The following DRAM2 variants were observed in gnomAD, a reference collection of about 807,000 sequenced individuals.
DRAM2 encodes DNA damage regulated autophagy modulator 2, also known as DNA damage-regulated autophagy modulator protein 2.
In DRAM2, 26 loss-of-function variants were observed where a neutral mutation model predicts 33.5. The observed-to-expected ratio is 0.78, with a 90% CI of 0.57 to 1.08. DRAM2 has a LOEUF of 1.08. Among genes scored for constraint, DRAM2 ranks in the 50% least tolerant of loss-of-function variants. DRAM2 has a pLI of 0.00. For missense variants in DRAM2, 311 were observed against 318.1 expected, an observed-to-expected ratio of 0.98 and a Z score of 0.17; for synonymous variants, 98 against 109.5, an observed-to-expected ratio of 0.89 and a Z score of 0.66.
Position 111,138,340 on chromosome 1 carries a change from ATG to A in DRAM2, c.-78-756_-78-755del, listed in dbSNP as rs561672363. Among the ~76,000 whole-genome samples, 697 of 152,356 alleles carry A rather than the reference ATG, an allele frequency of 4.6e-3. 4 individuals are homozygous for A. The highest frequency in any genetic ancestry group is 0.01 in the Middle Eastern group (3 of 294). On this transcript the variant is annotated intron_variant, in intron 2 of 9. Transcript: ENST00000484310. The stretch of plus-strand genomic sequence containing the variant: ...ACTAGGTGAGGAAGACTAATTGTCA[ATG>A]TGTTTTTGCCTTTGAAACCTGAAAG...
intron 6 of DRAM2, among the ~76,000 whole-genome samples, chr1:111,123,203 ATTG>A (rs901712362): frequency 5.9e-5 from 9 of 152,168 alleles, no homozygotes; most frequent in African/African-American, 9.7e-5. Flanking sequence ...GTCCACCCAA[ATTG>A]TTGTTATCCT....
intron 4 of DRAM2, among the ~76,000 whole-genome samples, chr1:111,131,189 C>T (rs572006065): frequency 2.2e-4 from 34 of 152,228 alleles, no homozygotes; most frequent in Middle Eastern, 6.8e-3. Flanking sequence ...GAAAACAAGG[C>T]ACTAAAGAGT....
At chr1:111,122,789 A>C (rs1469075236) in intron 6 of DRAM2, 1 of 152,188 alleles carries the variant, frequency 6.6e-6, no homozygotes, top group Non-Finnish European at 1.5e-5. Flanking sequence ...TGAAAGATGA[A>C]GAGGGCATCT....
chr1:111,120,657 C>A lies in DRAM2; in HGVS notation c.376G>T (p.Val126Leu). The change falls in exon 7 of 10, where the codon GTG becomes TTG. Residue 126 changes from valine to leucine, a missense_variant. Val to Leu is a conservative substitution (Grantham distance 32). Transcript: ENST00000484310. ...TLFAAHVSGA[V>L]LTFGMGSLYM... ...AATGAGCCCATACCAAAGGTAAGCA[C>A]AGCTCCACTTACATGTGCAGCAAAA... The A allele has an allele frequency of 6.3e-7, 1 of 1,596,106 alleles. No homozygotes were observed. Among genetic ancestry groups the A allele is most frequent in the Non-Finnish European group, 8.5e-7 (1 of 1,170,888 alleles).
intron 3 of DRAM2, among the ~76,000 whole-genome samples, chr1:111,132,989 A>G (rs1450633132): frequency 6.6e-6 from 1 of 151,898 alleles, no homozygotes; most frequent in African/African-American, 2.4e-5. Flanking sequence ...TAGTTTTTCT[A>G]TTATTACTCA....
At chr1:111,136,486 G>A (rs1653190988) in intron 3 of DRAM2, among the ~76,000 whole-genome samples, 1 of 152,090 alleles carries the variant, frequency 6.6e-6, no homozygotes, top group East Asian at 1.9e-4. Flanking sequence ...AATGGAGGCT[G>A]AGGTAGGAGA....
chr1:111,130,647 C>A (rs1037489251), intron 4 of DRAM2, among the ~76,000 whole-genome samples: 1 of 150,008 alleles, frequency 6.7e-6, no homozygotes, highest in African/African-American at 2.5e-5. Context: ...TTGCAGTGAG[C>A]CGAGATTGTG....
intron 4 of DRAM2, among the ~76,000 whole-genome samples, chr1:111,127,816 C>T (rs145776786): frequency 6.6e-5 from 10 of 152,194 alleles, no homozygotes; most frequent in African/African-American, 2.2e-4. Context: ...TGCCCATCAC[C>T]TCATTATCAT....
chr1:111,136,833 G>GCGA (rs1250522577), intron 3 of DRAM2, among the ~76,000 whole-genome samples: 1 of 151,822 alleles, frequency 6.6e-6, no homozygotes, highest in Non-Finnish European at 1.5e-5. Context: ...AATTAGCCGG[G>GCGA]GGTGATGGCA....
chr1:111,120,289 T>C (rs1649721673), intron 7 of DRAM2, among the ~76,000 whole-genome samples: 1 of 148,256 alleles, frequency 6.7e-6, no homozygotes, highest in South Asian at 2.1e-4. Flanking sequence ...AACATTTTTG[T>C]TCCTAGCTCA....
intron 5 of DRAM2, 78 bp downstream of exon 5, chr1:111,126,149 G>GT: frequency 3.4e-6 from 3 of 872,654 alleles, no homozygotes; most frequent in Non-Finnish European, 5.9e-6. Context: ...AGTAAAACAA[G>GT]TAACACTCCA....
intron 3 of DRAM2, among the ~76,000 whole-genome samples, chr1:111,136,774 A>C (rs1653263760): frequency 6.6e-6 from 1 of 152,174 alleles, no homozygotes; most frequent in South Asian, 2.1e-4. Context: ...GCCACGTGTC[A>C]CCATCCTGGC....
chr1:111,118,268 C>T lies in DRAM2; in HGVS notation c.694-1G>A, dbSNP rs758881067. ...TGGCTTCCACCCGTAAAGAAATTTT[C>T]TGGAACAGAAAAGAAAATTATATAT... On this transcript the variant is annotated splice_acceptor_variant, in intron 9 of 9. Coordinates refer to ENST00000484310, the MANE Select transcript of DRAM2 (RefSeq NM_001349884.2). LOFTEE classifies it high-confidence loss of function. The T allele has an allele frequency of 6.2e-7, 1 of 1,609,192 alleles. No homozygotes were observed. The highest frequency in any genetic ancestry group is 1.7e-5 in the Admixed American group (1 of 59,398).
At chr1:111,120,439 C>CTGCTTATAA (rs1649807612) in intron 7 of DRAM2, 77 bp downstream of exon 7, 1 of 293,376 alleles carries the variant, frequency 3.4e-6, no homozygotes, top group Non-Finnish European at 6.0e-6. Flanking sequence ...GCTTCTTATA[C>CTGCTTATAA]TGCACCAATA....
intron 3 of DRAM2, among the ~76,000 whole-genome samples, chr1:111,135,594 C>T (rs1205075424): frequency 6.6e-6 from 1 of 152,170 alleles, no homozygotes; most frequent in East Asian, 1.9e-4. Context: ...TTGCTAGTAG[C>T]AAAACCTCCT....
chr1:111,123,376 T>C (rs989008782), intron 6 of DRAM2, among the ~76,000 whole-genome samples: 1 of 152,196 alleles, frequency 6.6e-6, no homozygotes, highest in Non-Finnish European at 1.5e-5. Context: ...ACAAAAATTC[T>C]GTCCTTCACC....
Position 111,128,859 on chromosome 1 carries a change from T to C in DRAM2, c.131+2565A>G, listed in dbSNP as rs191021130. Among the ~76,000 whole-genome samples, 6 of 152,258 alleles carry C rather than the reference T, an allele frequency of 3.9e-5. 1 individual carries two copies. Among genetic ancestry groups the C allele is most frequent in the African/African-American group, 1.4e-4 (6 of 41,558 alleles). On this transcript the variant is annotated intron_variant, in intron 4 of 9. Transcript: ENST00000484310. ...AAACGAAAGCAGACAAGTTCTCAGATGGAGAAAAAAAATACTGTGAAAGAC... is the reference window on the plus strand; with the variant it reads ...AAACGAAAGCAGACAAGTTCTCAGACGGAGAAAAAAAATACTGTGAAAGAC...
At position 111,139,675 on chromosome 1, in the gene DRAM2, A is replaced by AG. The variant is rs1557910531; in HGVS notation, c.-244-10dup. The AG allele has an allele frequency of 6.6e-6, 1 of 152,400 alleles. No homozygotes were observed. The highest frequency in any genetic ancestry group is 1.5e-5 in the Non-Finnish European group (1 of 68,154). The allele number at this position is 152,400 out of a possible 1,614,324, so 9.4% of individuals were successfully genotyped here. A position where few individuals can be genotyped will look rare whatever the true frequency, so the allele number is the denominator to read the frequency against. On this transcript the variant is annotated splice_polypyrimidine_tract_variant and intron_variant, in intron 1 of 9. Transcript: ENST00000484310. ...TCTCCGCTCCGCTTTGCCTGGGACC[A>AG]GGAAAAGACGCGAGAGACGGAACTC...
At chr1:111,119,804 G>T in intron 8 of DRAM2, 73 bp downstream of exon 8, 1 of 1,251,720 alleles carries the variant, frequency 8.0e-7, no homozygotes, top group Non-Finnish European at 1.2e-6. Context: ...CTGATGAAAT[G>T]AAAAACATAT....
Sources: allele counts gnomAD v4.1 joint callset (sites outside exome capture counted in the v4.1 genomes callset), GRCh38; gene constraint gnomAD v4.1.1; transcripts MANE v1.5; gene names NCBI Gene and HGNC (gene_info 2026-07-23, HGNC 2026-07-21).